REDIC1: variants seen among roughly 807,000 people sequenced by gnomAD.
REDIC1 encodes HEI10 Interacting Protein 1.
chr12:39,703,949 G>T, the REDIC1 span, among the ~76,000 whole-genome samples: 3 of 152,076 alleles, frequency 2.0e-5, no homozygotes, highest in African/African-American at 7.3e-5. Context: ...AGACTTAAAC[G>T]TTAGACCTAA....
chr12:39,759,761 A>G, the REDIC1 span: 21 of 390,784 alleles, frequency 5.4e-5, 1 homozygote, highest in South Asian at 6.5e-4. Flanking sequence ...TATTCATTTT[A>G]GACTATTTCA....
At chr12:39,738,250 A>G in the REDIC1 span, among the ~76,000 whole-genome samples, 1 of 152,200 alleles carries the variant, frequency 6.6e-6, no homozygotes, top group African/African-American at 2.4e-5. Context: ...TGTTGGCATG[A>G]GAGTTAACTC....
chr12:39,901,273 A>G, the REDIC1 span, among the ~76,000 whole-genome samples: 2 of 152,356 alleles, frequency 1.3e-5, no homozygotes, highest in Middle Eastern at 3.4e-3. Flanking sequence ...TTCAGGACAT[A>G]GGCATGGGCA....
chr12:39,672,647 C>T, the REDIC1 span, among the ~76,000 whole-genome samples: 1 of 152,106 alleles, frequency 6.6e-6, no homozygotes, highest in Non-Finnish European at 1.5e-5. Flanking sequence ...GTACCAGGGG[C>T]AGTCTTCCTG....
chr12:39,881,432 C>T, the REDIC1 span, among the ~76,000 whole-genome samples: 1 of 152,290 alleles, frequency 6.6e-6, no homozygotes, highest in African/African-American at 2.4e-5. Flanking sequence ...TCACGACTGT[C>T]TTTTTCAGTT....
chr12:39,766,999 G>T, the REDIC1 span, among the ~76,000 whole-genome samples: 3 of 152,016 alleles, frequency 2.0e-5, no homozygotes, highest in Non-Finnish European at 4.4e-5. Flanking sequence ...TTGGTATTTT[G>T]ACCTCCTCCC....
At chr12:39,800,030 A>C in the REDIC1 span, among the ~76,000 whole-genome samples, 6 of 152,228 alleles carry the variant, frequency 3.9e-5, no homozygotes, top group Non-Finnish European at 5.9e-5. Context: ...AATGAAAAGC[A>C]GATTTTTGCC....
chr12:39,692,091 C>T, the REDIC1 span: 7 of 1,574,450 alleles, frequency 4.4e-6, no homozygotes, highest in South Asian at 1.2e-5. Flanking sequence ...AAAAAGCAAG[C>T]GAATATCTAC....
chr12:39,711,702 T>TGC, the REDIC1 span, among the ~76,000 whole-genome samples: 1 of 13,668 alleles, frequency 7.3e-5, no homozygotes, highest in Non-Finnish European at 3.8e-4. Context: ...TGTGTATGTG[T>TGC]ATACACATGC....
chr12:39,713,406 G>T, the REDIC1 span, among the ~76,000 whole-genome samples: 1 of 9,270 alleles, frequency 1.1e-4, no homozygotes, highest in South Asian at 2.4e-3. Flanking sequence ...ACATACGTAT[G>T]TATACACATA....
the REDIC1 span, among the ~76,000 whole-genome samples, chr12:39,704,475 G>A: frequency 6.6e-6 from 1 of 152,208 alleles, no homozygotes; most frequent in Non-Finnish European, 1.5e-5. Flanking sequence ...CTGTTGGTGG[G>A]ACTGTAAACT....
the REDIC1 span, among the ~76,000 whole-genome samples, chr12:39,760,643 C>T: frequency 1.9e-4 from 29 of 151,896 alleles, no homozygotes; most frequent in Non-Finnish European, 4.0e-4. Flanking sequence ...TTGTCTATTA[C>T]ACTAGAGGCA....
the REDIC1 span, among the ~76,000 whole-genome samples, chr12:39,880,484 T>A: frequency 7.9e-5 from 12 of 152,268 alleles, no homozygotes; most frequent in South Asian, 2.3e-3. Context: ...TTGCACATAT[T>A]TCATACGAGG....
chr12:39,813,580 A>T, the REDIC1 span, among the ~76,000 whole-genome samples: 1 of 152,214 alleles, frequency 6.6e-6, no homozygotes, highest in Non-Finnish European at 1.5e-5. Context: ...TTTCTTAAGA[A>T]CATCAAACAG....
the REDIC1 span, among the ~76,000 whole-genome samples, chr12:39,891,945 C>A: frequency 6.6e-6 from 1 of 152,116 alleles, no homozygotes; most frequent in Non-Finnish European, 1.5e-5. Flanking sequence ...GGAGAATAAT[C>A]CTATTTTGGG....
the REDIC1 span, among the ~76,000 whole-genome samples, chr12:39,748,663 T>C: frequency 6.6e-6 from 1 of 152,198 alleles, no homozygotes; most frequent in African/African-American, 2.4e-5. Context: ...GACCACATAG[T>C]TGGAAGTAAA....
the REDIC1 span, among the ~76,000 whole-genome samples, chr12:39,887,563 G>A: frequency 6.6e-6 from 1 of 152,174 alleles, no homozygotes; most frequent in African/African-American, 2.4e-5. Context: ...GTGATGGTGG[G>A]GCAAGAAATT....
At chr12:39,899,147 C>T in the REDIC1 span, among the ~76,000 whole-genome samples, 2 of 152,080 alleles carry the variant, frequency 1.3e-5, no homozygotes, top group Admixed American at 1.3e-4. Flanking sequence ...TGATTATTGC[C>T]ACAATTTCAG....
chr12:39,838,473 C>A, the REDIC1 span, among the ~76,000 whole-genome samples: 2 of 143,744 alleles, frequency 1.4e-5, no homozygotes, highest in Non-Finnish European at 1.5e-5. Context: ...CACATGTACC[C>A]TAAAACTTAA....
Sources: gnomAD v4.1 joint callset for allele counts (sites outside exome capture counted in the v4.1 genomes callset) on GRCh38, gnomAD v4.1.1 for gene constraint, MANE v1.5 for transcripts, NCBI Gene and HGNC (gene_info 2026-07-23, HGNC 2026-07-21) for gene names.